Variants in CSNK2A1 observed in about 807,000 individuals in gnomAD.
CSNK2A1 encodes the protein casein kinase II subunit alpha.
CSNK2A1 carries 10 observed loss-of-function variants against 62.9 expected under a neutral mutation model. The ratio of observed to expected loss-of-function variants is 0.16; its 90% CI spans 0.10 to 0.27. The LOEUF is 0.27. Among genes scored for constraint, CSNK2A1 ranks in the 10% least tolerant of loss-of-function variants. The probability of loss-of-function intolerance (pLI) is 1.00; values close to 1 mark genes in which losing one functional copy is unlikely to be tolerated. For missense variants in CSNK2A1, 160 were observed against 492.0 expected (o/e 0.33, Z 6.38); for synonymous variants, 124 against 167.8 (o/e 0.74, Z 2.02).
Position 483,921 on chromosome 20 carries a change from C to T in CSNK2A1, c.*40G>A. ...AGCTGCATCAAGGAGAGGGTGGACT[C>T]CCCCACCTCTGCTCAGGCATCAGGA... On this transcript the variant is annotated 3_prime_UTR_variant, in exon 14 of 14. Coordinates refer to ENST00000217244, the MANE Select transcript of CSNK2A1 (RefSeq NM_177559.3). The T allele has an allele frequency of 6.3e-7, 1 of 1,585,734 alleles. No individual in the cohort carries two copies. The highest frequency in any genetic ancestry group is 8.6e-7 in the Non-Finnish European group (1 of 1,167,092).
At chr20:524,359 G>A (rs1032879012) in intron 2 of CSNK2A1, among the ~76,000 whole-genome samples, 7 of 148,168 alleles carry the variant, frequency 4.7e-5, no homozygotes, top group East Asian at 2.0e-4. Flanking sequence ...CTCGAGAGGC[G>A]AAGGTTGTAG....
intron 7 of CSNK2A1, among the ~76,000 whole-genome samples, chr20:497,368 G>C (rs995683072): frequency 6.6e-6 from 1 of 152,062 alleles, no homozygotes; most frequent in Non-Finnish European, 1.5e-5. Flanking sequence ...GGCTGGTCTT[G>C]ATCTCCTGGC....
At chr20:538,274 A>C (rs774439486) in intron 1 of CSNK2A1, among the ~76,000 whole-genome samples, 13 of 152,200 alleles carry the variant, frequency 8.5e-5, no homozygotes, top group Non-Finnish European at 1.6e-4. Flanking sequence ...CTCAGGGAAC[A>C]TAGTTCAAAA....
intron 2 of CSNK2A1, among the ~76,000 whole-genome samples, chr20:524,708 CAAAAAAAA>C (rs56228720): frequency 8.4e-5 from 7 of 83,174 alleles, no homozygotes; most frequent in Non-Finnish European, 1.1e-4. Context: ...GACTCCATCT[CAAAAAAAA>C]AAAAAAAAAA....
At position 525,003 on chromosome 20, in the gene CSNK2A1, A is replaced by G. The variant is rs1425653003; in HGVS notation, c.-110+2930T>C. ...TGGTGCATGCACCTGTGTCCTAGCT[A>G]CTCAGAAGGCTGAAGTGATCATGTG... On this transcript the variant is annotated intron_variant, in intron 2 of 13. Transcript: ENST00000217244. 4.6e-5 allele frequency among the ~76,000 whole-genome samples: 7 copies of G among 152,052 alleles called. No homozygotes were observed. The East Asian group carries it at 7.8e-4, about 17-fold the overall frequency.
chr20:541,691 C>T (rs934195639), intron 1 of CSNK2A1, among the ~76,000 whole-genome samples: 1 of 152,146 alleles, frequency 6.6e-6, no homozygotes, highest in Non-Finnish European at 1.5e-5. Context: ...CCATGCTCCT[C>T]CTTAAATGTG....
chr20:493,044 T>C (rs2018266938), intron 8 of CSNK2A1, among the ~76,000 whole-genome samples: 1 of 152,168 alleles, frequency 6.6e-6, no homozygotes, highest in Non-Finnish European at 1.5e-5. Context: ...AGGAAAAACA[T>C]CGGACTGCTC....
chr20:541,832 G>A (rs1462418751), intron 1 of CSNK2A1, among the ~76,000 whole-genome samples: 1 of 152,104 alleles, frequency 6.6e-6, no homozygotes, highest in African/African-American at 2.4e-5. Context: ...TTCCAATCTT[G>A]CATTCTTTCT....
intron 1 of CSNK2A1, among the ~76,000 whole-genome samples, chr20:532,371 G>T (rs1040451608): frequency 4.7e-5 from 7 of 147,838 alleles, no homozygotes; most frequent in African/African-American, 1.8e-4. Context: ...TAGAGACAGG[G>T]TTTCACCATG....
chr20:505,351 G>GTTTTTTTTTTTTT (rs746624346), intron 3 of CSNK2A1, 122 bp from the exon 4 acceptor site: 2 of 211,332 alleles, frequency 9.5e-6, no homozygotes, highest in Non-Finnish European at 1.7e-5. Flanking sequence ...TCCCAAATAG[G>GTTTTTTTTTTTTT]TTTTTTTTTT....
At chr20:511,119 G>A (rs569085883) in intron 2 of CSNK2A1, among the ~76,000 whole-genome samples, 6 of 152,078 alleles carry the variant, frequency 3.9e-5, no homozygotes, top group African/African-American at 9.6e-5. Context: ...AGGGTGGATC[G>A]CTTGAACCCA....
rs537939184 is a variant in CSNK2A1 at position 508,815 on chromosome 20, A to C, written c.-109-155T>G. On this transcript the variant is annotated intron_variant, in intron 2 of 13. Transcript: ENST00000217244. ...TCAACTGTGTTAACCAGTGCTTCCT[A>C]TAACATGAGAAGAAAAATCCCAAGA... Among the ~76,000 whole-genome samples, 23 of 145,988 alleles carry C rather than the reference A, an allele frequency of 1.6e-4. No homozygotes were observed. In the South Asian group the frequency reaches 4.4e-3, roughly 28 times the overall value.
intron 2 of CSNK2A1, among the ~76,000 whole-genome samples, chr20:524,565 C>T (rs570676137): frequency 3.3e-5 from 5 of 149,374 alleles, no homozygotes; most frequent in Non-Finnish European, 7.4e-5. Context: ...ACAACAACAA[C>T]AACAAAACAC....
chr20:488,007 A>T, intron 11 of CSNK2A1: 1 of 184,050 alleles, frequency 5.4e-6, no homozygotes. Context: ...ATATCTAGTC[A>T]CTACTGTTAA....
In CSNK2A1 at chr20:543,785, G is replaced by T; in HGVS notation, c.-340C>A. On this transcript the variant is annotated 5_prime_UTR_variant, in exon 1 of 14. Coordinates refer to ENST00000217244, the MANE Select transcript of CSNK2A1 (RefSeq NM_177559.3). ...GGCCGCCAGCCGCAGGGACCAGAGC[G>T]AGGCTGCAGCCGCTGCTGCCGGAAG... is the stretch of plus-strand genomic sequence containing the variant. The T allele has an allele frequency of 2.5e-6, 1 of 398,470 alleles. No individual in the cohort carries two copies. The highest frequency in any genetic ancestry group is 3.6e-5 in the East Asian group (1 of 28,066). The allele number at this position is 398,470 out of a possible 1,614,324, so 24.7% of individuals were successfully genotyped here.
chr20:486,381 A>G lies in CSNK2A1; in HGVS notation c.1055T>C (p.Met352Thr), dbSNP rs1213130837. The G allele has an allele frequency of 1.2e-6, 2 of 1,613,676 alleles. No individual in the cohort carries two copies. Among genetic ancestry groups the G allele is most frequent in the Admixed American group, 3.3e-5 (2 of 59,942 alleles). The change falls in exon 13 of 14, where the codon ATG becomes ACG. Residue 352 changes from methionine (M) to threonine (T), a missense_variant. Met to Thr is a moderately conservative substitution (Grantham distance 81, BLOSUM62 -1). Coordinates refer to ENST00000217244, the MANE Select transcript of CSNK2A1 (RefSeq NM_177559.3). ...GSTPVSSANM[M>T]SGISSVPTPS... The stretch of plus-strand genomic sequence containing the variant: ...AAATTTACCAATGAACTGACCTGAC[A>G]TCATATTGGCGCTGCTGACGGGCGT...
rs939604457 is a variant in CSNK2A1 at position 528,066 on chromosome 20, G to C, written c.-226-17C>G. ...TTGATAGAGCTACAAAAACAGTTCA[G>C]TACTCCGTTACTGAAAGGATCTTGG... On this transcript the variant is annotated splice_polypyrimidine_tract_variant and intron_variant, in intron 1 of 13. Coordinates refer to ENST00000217244, the MANE Select transcript of CSNK2A1 (RefSeq NM_177559.3). The C allele has an allele frequency of 6.6e-6, 1 of 152,162 alleles. No individual in the cohort carries two copies. Among genetic ancestry groups the C allele is most frequent in the Non-Finnish European group, 1.5e-5 (1 of 68,044 alleles). The allele number at this position is 152,162 out of a possible 1,614,324, so 9.4% of individuals were successfully genotyped here.
chr20:521,152 C>A (rs1411984672), intron 2 of CSNK2A1, among the ~76,000 whole-genome samples: 3 of 152,066 alleles, frequency 2.0e-5, no homozygotes, highest in African/African-American at 7.2e-5. Flanking sequence ...ATAAGCCAGA[C>A]ACAAGAAGAA....
At position 479,984 on chromosome 20, in the gene CSNK2A1, G is replaced by T. The variant is rs2017923939; in HGVS notation, c.*3977C>A. 1 of 152,086 alleles carries T rather than the reference G, an allele frequency of 6.6e-6. No individual in the cohort carries two copies. The highest frequency in any genetic ancestry group is 2.4e-5 in the African/African-American group (1 of 41,402). 9.4% of individuals were successfully genotyped at this position (152,086 alleles called of 1,614,324 possible). On this transcript the variant is annotated 3_prime_UTR_variant, in exon 14 of 14. Transcript: ENST00000217244. ...CTGGTCCCAACCATTTTGGATAGGGGATATTCAACCTATATTACACACAGG... is the reference window on the plus strand; with the variant it reads ...CTGGTCCCAACCATTTTGGATAGGGTATATTCAACCTATATTACACACAGG...
Sources: gnomAD v4.1 joint callset for allele counts (sites outside exome capture counted in the v4.1 genomes callset) on GRCh38, gnomAD v4.1.1 for gene constraint, MANE v1.5 for transcripts, NCBI Gene and HGNC (gene_info 2026-07-23, HGNC 2026-07-21) for gene names.